Variants in GLDN observed in about 807,000 individuals in gnomAD.
GLDN encodes the protein gliomedin, also known as collomin.
Under a neutral mutation model 56.5 loss-of-function variants are expected in GLDN, and 47 were observed. The observed-to-expected ratio is 0.83, with a 90% CI of 0.66 to 1.06. GLDN has a LOEUF of 1.06. Ranked by LOEUF, GLDN falls within the 50% of genes least tolerant of loss-of-function variation. GLDN has a pLI of 0.00. For synonymous variants in GLDN, 332 were observed against 278.8 expected, an observed-to-expected ratio of 1.19 and a Z score of -1.90; for missense variants, 782 against 714.3, an observed-to-expected ratio of 1.09 and a Z score of -1.08.
chr15:51,348,797 C>T (rs1158774942), intron 1 of GLDN, among the ~76,000 whole-genome samples: 1 of 152,190 alleles, frequency 6.6e-6, no homozygotes, highest in Non-Finnish European at 1.5e-5. Flanking sequence ...CATGTTAGGA[C>T]TTCCAATCAT....
intron 1 of GLDN, among the ~76,000 whole-genome samples, chr15:51,356,023 T>C (rs113112680): frequency 0.11 from 16,481 of 147,488 alleles, 1,106 homozygotes; most frequent in African/African-American, 0.18. Flanking sequence ...CTGGCTAACA[T>C]GGTGAAACCC....
chr15:51,411,038 G>C (rs928678495), downstream of GLDN, among the ~76,000 whole-genome samples: 7 of 152,174 alleles, frequency 4.6e-5, no homozygotes, highest in South Asian at 2.1e-4. Context: ...TAGAAAGGAA[G>C]GCATTAGCTG....
At chr15:51,388,830 C>T (rs1309993880) in intron 4 of GLDN, among the ~76,000 whole-genome samples, 1 of 152,188 alleles carries the variant, frequency 6.6e-6, no homozygotes, top group African/African-American at 2.4e-5. Context: ...GAAGCCTGGG[C>T]CCTGAGCGCT....
chr15:51,390,612 C>T (rs2037996164), intron 4 of GLDN, among the ~76,000 whole-genome samples: 1 of 152,122 alleles, frequency 6.6e-6, no homozygotes, highest in African/African-American at 2.4e-5. Flanking sequence ...TTGTGTGACA[C>T]TCTCTGGCCC....
rs1198722316 is a variant in GLDN at position 51,405,106 on chromosome 15, T to C, written c.*352T>C. 4.4e-6 allele frequency: 1 copy of C among 226,056 alleles called. No homozygotes were observed. Among genetic ancestry groups the C allele is most frequent in the Non-Finnish European group, 8.7e-6 (1 of 114,606 alleles). The allele number at this position is 226,056 out of a possible 1,614,324, so 14.0% of individuals were successfully genotyped here. On this transcript the variant is annotated 3_prime_UTR_variant, in exon 10 of 10. Coordinates refer to ENST00000335449, the MANE Select transcript of GLDN (RefSeq NM_181789.4). The stretch of plus-strand genomic sequence containing the variant: ...TTCTCACAACTTTTATGTATCTGCT[T>C]CTGTCGTTTAGCTTTTTTAGCCACA...
chr15:51,390,632 G>A (rs144658628), intron 4 of GLDN, among the ~76,000 whole-genome samples: 4 of 152,010 alleles, frequency 2.6e-5, no homozygotes, highest in East Asian at 1.9e-4. Context: ...CCTTTCCCCC[G>A]CCTTAGCAAC....
At chr15:51,357,654 C>A (rs1321673053) in intron 1 of GLDN, among the ~76,000 whole-genome samples, 1 of 152,166 alleles carries the variant, frequency 6.6e-6, no homozygotes, top group East Asian at 1.9e-4. Context: ...TGACTAGAGG[C>A]GGAAAACTGT....
chr15:51,349,256 T>G (rs1052252355), intron 1 of GLDN, among the ~76,000 whole-genome samples: 1 of 152,284 alleles, frequency 6.6e-6, no homozygotes, highest in African/African-American at 2.4e-5. Context: ...TCACAGCTCC[T>G]GTTTGCAGTG....
intron 1 of GLDN, 130 bp downstream of exon 1, chr15:51,342,177 G>A (rs2036899275): frequency 2.5e-6 from 3 of 1,188,828 alleles, no homozygotes; most frequent in South Asian, 2.7e-5. Context: ...GTGGGCATGA[G>A]TAGCTGGGGA....
At chr15:51,399,246 C>A (rs1179929107) in intron 6 of GLDN, among the ~76,000 whole-genome samples, 1 of 152,172 alleles carries the variant, frequency 6.6e-6, no homozygotes, top group African/African-American at 2.4e-5. Context: ...TAGAAGGAAG[C>A]TTAGAGATCA....
At chr15:51,367,312 T>A (rs565738306) in intron 1 of GLDN, 1 of 152,342 alleles carries the variant, frequency 6.6e-6, no homozygotes, top group African/African-American at 2.4e-5. Context: ...CAACTGAAAG[T>A]CATTTTGCCA....
At chr15:51,381,892 C>T (rs2037770517) in intron 2 of GLDN, among the ~76,000 whole-genome samples, 1 of 152,054 alleles carries the variant, frequency 6.6e-6, no homozygotes, top group Admixed American at 6.5e-5. Context: ...ATCAAACCCA[C>T]ACTGCTTTCA....
In GLDN at chr15:51,341,813, G is replaced by A; in HGVS notation, c.129G>A (p.Gly43=). Residue 43 remains glycine (G), a synonymous_variant, in exon 1 of 10, where the codon GGG becomes GGA. Transcript: ENST00000335449. ...TGTTCGCGCTGTGCCAGTGGCGCGG[G>A]CTGAGCTCGGCGCTGCGGGCTTTGG... ...GTVFALCQWR[G]LSSALRALEA... is the part of the protein sequence containing the mutation. 6.6e-7 allele frequency: 1 copy of A among 1,514,068 alleles called. No individual in the cohort carries two copies. The highest frequency in any genetic ancestry group is 8.8e-7 in the Non-Finnish European group (1 of 1,139,690). The allele number at this position is 1,514,068 out of a possible 1,614,324, so 93.8% of individuals were successfully genotyped here.
chr15:51,355,564 C>T (rs1258638975), intron 1 of GLDN, among the ~76,000 whole-genome samples: 2 of 146,044 alleles, frequency 1.4e-5, no homozygotes, highest in African/African-American at 5.1e-5. Context: ...CACTCTGTTG[C>T]CCAGGCTGGA....
chr15:51,356,205 CAA>C (rs368789885), intron 1 of GLDN, among the ~76,000 whole-genome samples: 28 of 118,960 alleles, frequency 2.4e-4, no homozygotes, highest in Non-Finnish European at 2.4e-4. Flanking sequence ...GACTCTGTCT[CAA>C]AAAAAAAAAA....
chr15:51,382,288 T>C (rs1187334188), intron 2 of GLDN, among the ~76,000 whole-genome samples: 2 of 152,148 alleles, frequency 1.3e-5, no homozygotes, highest in Admixed American at 6.6e-5. Flanking sequence ...TCTCTCATAC[T>C]GCATTATGGT....
At chr15:51,383,972 A>G in intron 4 of GLDN, 80 bp downstream of exon 4, 1 of 1,054,902 alleles carries the variant, frequency 9.5e-7, no homozygotes, top group Non-Finnish European at 1.4e-6. Context: ...AACTGTGTGC[A>G]GCAGGGGTAA....
intron 1 of GLDN, among the ~76,000 whole-genome samples, chr15:51,348,241 G>A (rs2037013338): frequency 6.6e-6 from 1 of 152,174 alleles, no homozygotes; most frequent in Admixed American, 6.5e-5. Flanking sequence ...CCCGCTGATG[G>A]TGACTGTACA....
chr15:51,354,495 A>G (rs1351119146), intron 1 of GLDN, among the ~76,000 whole-genome samples: 2 of 152,216 alleles, frequency 1.3e-5, no homozygotes, highest in Admixed American at 1.3e-4. Context: ...AAGAGAGAAA[A>G]TAAGTCCTCA....
Sources: allele counts gnomAD v4.1 joint callset (sites outside exome capture counted in the v4.1 genomes callset), GRCh38; gene constraint gnomAD v4.1.1; transcripts MANE v1.5; gene names NCBI Gene and HGNC (gene_info 2026-07-23, HGNC 2026-07-21).